GDPD1: variants seen among roughly 807,000 people sequenced by gnomAD.
The protein encoded by GDPD1 is glycerophosphodiester phosphodiesterase domain containing 1, also known as lysophospholipase D GDPD1.
Under a neutral mutation model 45.1 loss-of-function variants are expected in GDPD1, and 28 were observed. The ratio of observed to expected loss-of-function variants is 0.62; its 90% confidence interval spans 0.46 to 0.85. The LOEUF (loss-of-function observed/expected upper bound fraction) is 0.85, where lower values mean the gene tolerates loss of function less well. Ranked by LOEUF, GDPD1 falls within the 40% of genes least tolerant of loss-of-function variation. GDPD1 has a pLI of 0.00. For synonymous variants in GDPD1, 139 were observed against 131.4 expected, an observed-to-expected ratio of 1.06 and a Z score of -0.40; for missense variants, 256 against 364.8, an observed-to-expected ratio of 0.70 and a Z score of 2.43.
In GDPD1 at chr17:59,267,035, T is replaced by G; in HGVS notation, c.577-6T>G. ...AATAACATGTAATATTGCTTGTGTCTTTTAGAATTCAGATATTCCTATACT... is the reference window on the plus strand; with the variant it reads ...AATAACATGTAATATTGCTTGTGTCGTTTAGAATTCAGATATTCCTATACT... On this transcript the variant is annotated splice_polypyrimidine_tract_variant and splice_region_variant and intron_variant, in intron 6 of 9. Coordinates refer to ENST00000284116, the MANE Select transcript of GDPD1 (RefSeq NM_182569.4). 6.2e-7 allele frequency: 1 copy of G among 1,604,934 alleles called. No homozygotes were observed. Among genetic ancestry groups the G allele is most frequent in the South Asian group, 1.1e-5 (1 of 89,288 alleles).
chr17:59,273,584 T>C, intron 9 of GDPD1, 67 bp from the exon 10 acceptor site: 1 of 884,998 alleles, frequency 1.1e-6, no homozygotes, highest in East Asian at 2.7e-5. Context: ...AGTGGATAAA[T>C]ACTGTTATAA....
chr17:59,222,380 T>G (rs113989988), intron 1 of GDPD1, among the ~76,000 whole-genome samples: 3,873 of 149,964 alleles, frequency 0.026, 184 homozygotes, highest in African/African-American at 0.088. Context: ...TTAATTTTTT[T>G]TATTTTTAGT....
At chr17:59,228,941 T>C (rs1375499374) in intron 1 of GDPD1, among the ~76,000 whole-genome samples, 1 of 151,626 alleles carries the variant, frequency 6.6e-6, no homozygotes, top group Admixed American at 6.6e-5. Flanking sequence ...TGTGGCTGTG[T>C]TTTGATTTTT....
At chr17:59,231,699 T>C (rs2047091964) in intron 1 of GDPD1, among the ~76,000 whole-genome samples, 2 of 152,080 alleles carry the variant, frequency 1.3e-5, no homozygotes, top group South Asian at 4.1e-4. Flanking sequence ...TAAGTTTTTT[T>C]TATTTAAAAT....
At position 59,263,732 on chromosome 17, in the gene GDPD1, G is replaced by A. The variant is rs143970996; in HGVS notation, c.577-3309G>A. Among the ~76,000 whole-genome samples the A allele has an allele frequency of 6.3e-3, 951 of 150,736 alleles. 6 individuals are homozygous for A. The highest frequency in any genetic ancestry group is 0.021 in the African/African-American group (874 of 41,098). On this transcript the variant is annotated intron_variant, in intron 6 of 9. Coordinates refer to ENST00000284116, the MANE Select transcript of GDPD1 (RefSeq NM_182569.4). ...CAACCTCAGGTGATCCACCTGCCTC[G>A]GCCTCCCAAAGTGCTGGGATTACAG...
chr17:59,246,709 CAAAAAAAAAA>C (rs749077536), intron 3 of GDPD1, among the ~76,000 whole-genome samples: 3 of 27,564 alleles, frequency 1.1e-4, no homozygotes, highest in African/African-American at 3.2e-4. Flanking sequence ...GACTCCATCT[CAAAAAAAAAA>C]AAAAAAAAAA....
In GDPD1 at chr17:59,267,031, T is replaced by A; in HGVS notation, c.577-10T>A. ...TAAAAATAACATGTAATATTGCTTGTGTCTTTTAGAATTCAGATATTCCTA... is the reference window on the plus strand; with the variant it reads ...TAAAAATAACATGTAATATTGCTTGAGTCTTTTAGAATTCAGATATTCCTA... On this transcript the variant is annotated splice_polypyrimidine_tract_variant and intron_variant, in intron 6 of 9. Transcript: ENST00000284116. 6.2e-7 allele frequency: 1 copy of A among 1,601,682 alleles called. No homozygotes were observed. Among genetic ancestry groups the A allele is most frequent in the Non-Finnish European group, 8.5e-7 (1 of 1,172,152 alleles).
rs1402687446 is a variant in GDPD1, at chr17:59,262,662, CTG to C, written c.577-4377_577-4376del. ...TTGTTTTTTTTTTTTGAGACTCACT[CTG>C]TCACCCAGGCTGGAGTGCAATGGTG... On this transcript the variant is annotated intron_variant, in intron 6 of 9. Transcript: ENST00000284116. Among the ~76,000 whole-genome samples, 3 of 145,870 alleles carry C rather than the reference CTG, an allele frequency of 2.1e-5. No individual in the cohort carries two copies. In the Admixed American group the frequency reaches 2.1e-4, roughly 10 times the overall value.
intron 7 of GDPD1, among the ~76,000 whole-genome samples, chr17:59,268,609 A>AAAACACTT (rs2047419626): frequency 1.3e-5 from 2 of 150,130 alleles, no homozygotes; most frequent in South Asian, 4.2e-4. Flanking sequence ...AAAAGAAAAG[A>AAAACACTT]AAACACTTTT....
intron 7 of GDPD1, among the ~76,000 whole-genome samples, chr17:59,270,384 G>C (rs562647866): frequency 1.3e-4 from 20 of 151,168 alleles, no homozygotes; most frequent in Admixed American, 1.1e-3. Flanking sequence ...AGTAGAGACG[G>C]GGGGGGGTTT....
chr17:59,257,348 C>T lies in GDPD1; in HGVS notation c.486+108C>T, dbSNP rs968018373. On this transcript the variant is annotated intron_variant, in intron 5 of 9. Coordinates refer to ENST00000284116, the MANE Select transcript of GDPD1 (RefSeq NM_182569.4). ...TGATAATGCTCAAGGAAATGTGATA[C>T]CCTAGGGATCAGCATTGTTTTAAAT... The T allele has an allele frequency of 4.7e-6, 3 of 639,828 alleles. No homozygotes were observed. In the Admixed American group the frequency reaches 8.3e-5, roughly 18 times the overall value. The allele number at this position is 639,828 out of a possible 1,614,324, so 39.6% of individuals were successfully genotyped here.
At chr17:59,226,362 AC>A (rs1205891649) in intron 1 of GDPD1, among the ~76,000 whole-genome samples, 1 of 151,964 alleles carries the variant, frequency 6.6e-6, no homozygotes, top group Non-Finnish European at 1.5e-5. Flanking sequence ...AAAAACCTAT[AC>A]CCTTCATATT....
At chr17:59,267,762 C>G (rs1830008657) in intron 7 of GDPD1, among the ~76,000 whole-genome samples, 1 of 151,592 alleles carries the variant, frequency 6.6e-6, no homozygotes, top group Non-Finnish European at 1.5e-5. Context: ...CTCTGCCTCC[C>G]GGGTTCAAGT....
intron 2 of GDPD1, among the ~76,000 whole-genome samples, chr17:59,238,155 C>A (rs941636956): frequency 2.0e-5 from 3 of 149,666 alleles, no homozygotes; most frequent in Non-Finnish European, 4.4e-5. Flanking sequence ...GTAATCCCAG[C>A]TACTTGGGAG....
intron 4 of GDPD1, among the ~76,000 whole-genome samples, chr17:59,251,196 G>A (rs1172655784): frequency 3.3e-5 from 5 of 152,130 alleles, no homozygotes; most frequent in Admixed American, 2.0e-4. Context: ...CCTCTCCATT[G>A]GAACACTATT....
At position 59,245,988 on chromosome 17, in the gene GDPD1, G is replaced by T. The variant is rs768851610; in HGVS notation, c.321+439G>T. Among the ~76,000 whole-genome samples, 3 of 151,848 alleles carry T rather than the reference G, an allele frequency of 2.0e-5. No homozygotes were observed. The South Asian group carries it at 6.3e-4, about 32-fold the overall frequency. ...AATACAAAAATTAGCCAGACATGGT[G>T]GTGCCCCTGTAATCCCAGCTACTTG... On this transcript the variant is annotated intron_variant, in intron 3 of 9. Coordinates refer to ENST00000284116, the MANE Select transcript of GDPD1 (RefSeq NM_182569.4).
intron 4 of GDPD1, among the ~76,000 whole-genome samples, chr17:59,255,170 C>G (rs572045268): frequency 6.6e-6 from 1 of 151,818 alleles, no homozygotes; most frequent in Non-Finnish European, 1.5e-5. Context: ...TATAATAAGA[C>G]GGAATAAAGG....
Position 59,274,289 on chromosome 17 carries a change from G to C in GDPD1, c.*516G>C. On this transcript the variant is annotated 3_prime_UTR_variant, in exon 10 of 10. Transcript: ENST00000284116. ...GCACTTTGGGAGGCTGAGACAGGCG[G>C]ATCATCTGAAGTCAGGAGTTAAAGA... 3.5e-6 allele frequency: 1 copy of C among 286,524 alleles called. No homozygotes were observed. The highest frequency in any genetic ancestry group is 5.2e-6 in the Non-Finnish European group (1 of 191,014). The allele number at this position is 286,524 out of a possible 1,614,324, so 17.7% of individuals were successfully genotyped here.
chr17:59,272,886 A>G (rs542196155), intron 9 of GDPD1, 50 bp downstream of exon 9: 105 of 1,613,192 alleles, frequency 6.5e-5, no homozygotes, highest in Non-Finnish European at 8.6e-5. Flanking sequence ...TCACCAGTTT[A>G]ACACAAATAT....
Sources: allele counts gnomAD v4.1 joint callset (sites outside exome capture counted in the v4.1 genomes callset), GRCh38; gene constraint gnomAD v4.1.1; transcripts MANE v1.5; gene names NCBI Gene and HGNC (gene_info 2026-07-23, HGNC 2026-07-21).